DLG2: variants seen among roughly 807,000 people sequenced by gnomAD.
The protein encoded by DLG2 is disks large homolog 2.
Under a neutral mutation model 132.5 loss-of-function variants are expected in DLG2, and 45 were observed. That is an observed-to-expected ratio of 0.34 (90% CI 0.27 to 0.44). The LOEUF is 0.44. Among genes scored for constraint, DLG2 ranks in the 20% least tolerant of loss-of-function variants. The pLI, the probability that DLG2 is intolerant of heterozygous loss-of-function variation, is 1.00. For synonymous variants in DLG2, 424 were observed against 419.6 expected, an observed-to-expected ratio of 1.01 and a Z score of -0.13; for missense variants, 1,045 against 1,196.9, an observed-to-expected ratio of 0.87 and a Z score of 1.87.
chr11:84,477,624 GC>G, intron 7 of DLG2, among the ~76,000 whole-genome samples: 1 of 152,298 alleles, frequency 6.6e-6, no homozygotes, highest in South Asian at 2.1e-4. Flanking sequence ...GGATTAGAGT[GC>G]AAATGCATAC....
intron 2 of DLG2, among the ~76,000 whole-genome samples, chr11:85,624,318 C>G (rs2081923836): frequency 6.6e-6 from 1 of 152,194 alleles, no homozygotes; most frequent in African/African-American, 2.4e-5. Flanking sequence ...GTAAAAGAAT[C>G]TCCTCTCTCT....
chr11:84,242,171 A>C (rs907320459), intron 8 of DLG2, among the ~76,000 whole-genome samples: 4 of 152,194 alleles, frequency 2.6e-5, no homozygotes, highest in Non-Finnish European at 5.9e-5. Context: ...TCACTTGGAC[A>C]ACCGTTTTAT....
At chr11:83,890,916 C>T (rs191349690) in intron 15 of DLG2, among the ~76,000 whole-genome samples, 1 of 152,186 alleles carries the variant, frequency 6.6e-6, no homozygotes, top group African/African-American at 2.4e-5. Flanking sequence ...AACTTCCATG[C>T]TTCTAGCTGG....
intron 4 of DLG2, among the ~76,000 whole-genome samples, chr11:85,283,492 AC>A (rs67054343): frequency 0.038 from 5,693 of 150,154 alleles, 142 homozygotes; most frequent in Non-Finnish European, 0.056. Context: ...AGAAAAAAAA[AC>A]AATTATGACA....
intron 14 of DLG2, among the ~76,000 whole-genome samples, chr11:83,957,289 A>G (rs1591807555): frequency 6.6e-6 from 1 of 152,238 alleles, no homozygotes; most frequent in African/African-American, 2.4e-5. Context: ...AAAGAAACAA[A>G]TAACAGTGGC....
intron 6 of DLG2, among the ~76,000 whole-genome samples, chr11:84,799,059 T>A (rs2075043553): frequency 6.6e-6 from 1 of 152,160 alleles, no homozygotes; most frequent in African/African-American, 2.4e-5. Context: ...CCCTGAGCCA[T>A]CCCATCTGGT....
chr11:83,837,257 C>T (rs1239654646), intron 16 of DLG2, among the ~76,000 whole-genome samples: 3 of 152,148 alleles, frequency 2.0e-5, no homozygotes, highest in Non-Finnish European at 4.4e-5. Flanking sequence ...GGAATGCCAA[C>T]TAACGCCACC....
intron 2 of DLG2, among the ~76,000 whole-genome samples, chr11:85,610,770 A>C (rs2080941108): frequency 2.0e-5 from 3 of 152,246 alleles, no homozygotes; most frequent in Non-Finnish European, 4.4e-5. Flanking sequence ...TCTAGGCTTA[A>C]TCTTAGCCAG....
At chr11:84,734,151 GA>G (rs2063518672) in intron 6 of DLG2, among the ~76,000 whole-genome samples, 1 of 152,106 alleles carries the variant, frequency 6.6e-6, no homozygotes, top group African/African-American at 2.4e-5. Flanking sequence ...GAACTTTAAA[GA>G]AGTTTTTTCC....
intron 3 of DLG2, among the ~76,000 whole-genome samples, chr11:85,544,932 C>T (rs956642452): frequency 6.6e-5 from 10 of 152,148 alleles, no homozygotes; most frequent in East Asian, 1.9e-4. Flanking sequence ...ATGTCATCTG[C>T]GCACAGAAAC....
At chr11:83,667,054 T>C (rs1045209052) in intron 18 of DLG2, among the ~76,000 whole-genome samples, 1 of 152,202 alleles carries the variant, frequency 6.6e-6, no homozygotes, top group Admixed American at 6.5e-5. Context: ...TTAGGCATGT[T>C]TGCCTTTGAA....
chr11:85,146,932 G>C (rs554445909), intron 5 of DLG2, among the ~76,000 whole-genome samples: 2 of 152,312 alleles, frequency 1.3e-5, no homozygotes, highest in South Asian at 4.1e-4. Flanking sequence ...TTTGAATGGA[G>C]CTAGTCTAAA....
intron 6 of DLG2, among the ~76,000 whole-genome samples, chr11:84,561,086 A>G (rs1045264850): frequency 1.3e-5 from 2 of 152,102 alleles, no homozygotes; most frequent in South Asian, 4.1e-4. Flanking sequence ...TTAGCTGTGA[A>G]ACAGTATATT....
At chr11:84,026,547 A>G (rs2154083436) in intron 11 of DLG2, among the ~76,000 whole-genome samples, 1 of 152,314 alleles carries the variant, frequency 6.6e-6, no homozygotes, top group Non-Finnish European at 1.5e-5. Flanking sequence ...AGATAGAATT[A>G]TAAATAAGTA....
chr11:84,311,897 C>G (rs1179667613), intron 7 of DLG2, among the ~76,000 whole-genome samples: 5 of 152,164 alleles, frequency 3.3e-5, no homozygotes, highest in Non-Finnish European at 5.9e-5. Context: ...AAATTTCTCT[C>G]TTTTTATCTG....
chr11:84,798,114 G>C (rs1230035074), intron 6 of DLG2, among the ~76,000 whole-genome samples: 2 of 152,128 alleles, frequency 1.3e-5, no homozygotes, highest in African/African-American at 4.8e-5. Flanking sequence ...ACTGCCCTGG[G>C]TCAGATCTGA....
intron 18 of DLG2, among the ~76,000 whole-genome samples, chr11:83,755,238 T>C (rs1162148308): frequency 6.6e-6 from 1 of 151,366 alleles, no homozygotes; most frequent in Non-Finnish European, 1.5e-5. Flanking sequence ...AAATTACATT[T>C]CCAGCACAGA....
At chr11:85,467,243 T>C (rs1328472556) in intron 3 of DLG2, among the ~76,000 whole-genome samples, 1 of 152,236 alleles carries the variant, frequency 6.6e-6, no homozygotes, top group Non-Finnish European at 1.5e-5. Flanking sequence ...TATACAATCA[T>C]GTAATCTCCA....
At chr11:84,216,534 G>A (rs529501636) in intron 8 of DLG2, among the ~76,000 whole-genome samples, 4 of 152,234 alleles carry the variant, frequency 2.6e-5, no homozygotes, top group African/African-American at 9.6e-5. Context: ...TACTTTCAAT[G>A]GATTTGGGTT....
Sources: gnomAD v4.1 joint callset for allele counts (sites outside exome capture counted in the v4.1 genomes callset) on GRCh38, gnomAD v4.1.1 for gene constraint, MANE v1.5 for transcripts, NCBI Gene and HGNC (gene_info 2026-07-23, HGNC 2026-07-21) for gene names.